The following SMAP2 variants were observed in gnomAD, a reference collection of about 807,000 sequenced individuals.
The protein encoded by SMAP2 is small ArfGAP2.
In SMAP2, 25 loss-of-function variants were observed where a neutral mutation model predicts 56.4. That is an observed-to-expected ratio of 0.44 (90% CI 0.32 to 0.62). The LOEUF (loss-of-function observed/expected upper bound fraction) is 0.62, where lower values mean the gene tolerates loss of function less well. Ranked by LOEUF, SMAP2 falls within the 20% of genes least tolerant of loss-of-function variation. The pLI, the probability that SMAP2 is intolerant of heterozygous loss-of-function variation, is 0.04. For synonymous variants in SMAP2, 157 were observed against 181.7 expected (o/e 0.86, Z 1.09); for missense variants, 388 against 545.6 (o/e 0.71, Z 2.88).
intron 2 of SMAP2, among the ~76,000 whole-genome samples, chr1:40,367,713 G>C: frequency 6.9e-6 from 1 of 145,112 alleles, no homozygotes; most frequent in African/African-American, 2.6e-5. Context: ...AGTGTGTAGA[G>C]GGAAATTTTT....
At chr1:40,398,487 T>C (rs1444013405) in intron 1 of SMAP2, among the ~76,000 whole-genome samples, 4 of 152,242 alleles carry the variant, frequency 2.6e-5, no homozygotes, top group Non-Finnish European at 5.9e-5. Flanking sequence ...GATACTTTTA[T>C]ATGAAATAGA....
chr1:40,416,149 T>C (rs1298530205), intron 7 of SMAP2, 27 bp from the exon 8 acceptor site: 1 of 1,602,780 alleles, frequency 6.2e-7, no homozygotes, highest in Non-Finnish European at 8.5e-7. Flanking sequence ...ACCATTTCAA[T>C]TCTCCCCCCG....
intron 4 of SMAP2, among the ~76,000 whole-genome samples, chr1:40,411,391 G>C (rs1342721572): frequency 1.3e-5 from 2 of 152,196 alleles, no homozygotes; most frequent in South Asian, 4.1e-4. Flanking sequence ...CTCAGATGAG[G>C]TCAGAAAAGG....
intron 1 of SMAP2, among the ~76,000 whole-genome samples, chr1:40,390,793 G>C (rs1644707605): frequency 6.6e-6 from 1 of 152,026 alleles, no homozygotes; most frequent in African/African-American, 2.4e-5. Context: ...ACCTCTCTAG[G>C]CCTTAGTTTC....
chr1:40,375,006 A>G lies in SMAP2; in HGVS notation c.103+783A>G, dbSNP rs1029895089. On this transcript the variant is annotated intron_variant, in intron 1 of 9. Coordinates refer to ENST00000372718, the MANE Select transcript of SMAP2 (RefSeq NM_022733.3). ...TGAATTCATTGCTTCCATGGCGATT[A>G]CACTTCTAAAGGTGAAATATGATCA... is the stretch of plus-strand genomic sequence containing the variant. 1.5e-5 allele frequency: 15 copies of G among 985,316 alleles called. No homozygotes were observed. The African/African-American group carries it at 2.6e-4, about 17-fold the overall frequency. The allele number at this position is 985,316 out of a possible 1,614,324, so 61.0% of individuals were successfully genotyped here. A position where few individuals can be genotyped will look rare whatever the true frequency, so the allele number is the denominator to read the frequency against.
At chr1:40,415,132 C>T (rs2294755) in intron 6 of SMAP2, 140 bp from the exon 7 acceptor site, 218,243 of 643,574 alleles carry the variant, frequency 0.34, 41,421 homozygotes, top group Non-Finnish European at 0.41. Context: ...TTGAGAAGCC[C>T]CGTCCATGCT....
chr1:40,373,941 A>C lies in SMAP2; in HGVS notation c.-180A>C. 1.9e-6 allele frequency: 1 copy of C among 539,882 alleles called. No homozygotes were observed. The highest frequency in any genetic ancestry group is 3.3e-6 in the Non-Finnish European group (1 of 300,630). 33.4% of individuals were successfully genotyped at this position (539,882 alleles called of 1,614,324 possible). On this transcript the variant is annotated 5_prime_UTR_variant, in exon 1 of 10. Transcript: ENST00000372718. ...GGGGCGCCGCGCCGAGGGGCTGCGG[A>C]GTGGGGGACGGACGCCCCCGACCCG...
At chr1:40,399,525 A>G (rs551954338) in intron 1 of SMAP2, among the ~76,000 whole-genome samples, 1 of 148,604 alleles carries the variant, frequency 6.7e-6, no homozygotes, top group East Asian at 2.0e-4. Flanking sequence ...ACACCACTCA[A>G]TGACCCATCT....
chr1:40,417,219 T>C (rs999609460), intron 9 of SMAP2, 123 bp downstream of exon 9: 10 of 703,446 alleles, frequency 1.4e-5, no homozygotes, highest in Non-Finnish European at 2.2e-5. Flanking sequence ...AGAGACATTG[T>C]TAGGTTTGCT....
intron 9 of SMAP2, among the ~76,000 whole-genome samples, chr1:40,417,613 G>A (rs1396557710): frequency 2.0e-5 from 3 of 152,144 alleles, no homozygotes; most frequent in Non-Finnish European, 4.4e-5. Flanking sequence ...ACAGGTCTGA[G>A]ATGTGGTAGA....
Position 40,417,081 on chromosome 1 carries a change from A to G in SMAP2, c.1149A>G (p.Gln383=), listed in dbSNP as rs61748797. The G allele has an allele frequency of 7.7e-3, 12,373 of 1,601,376 alleles. 422 individuals are homozygous for G. In the African/African-American group the frequency reaches 0.1, roughly 13 times the overall value. Residue 383 remains glutamine, a synonymous_variant, in exon 9 of 10, where the codon CAA becomes CAG. Transcript: ENST00000372718. ...GGGTCCAGCCAGCTCAGCAGCTGCA[A>G]TGGAACCTTACTCAGGTAAGCTACC... ...VYGVQPAQQL[Q]WNLTQMTQQM...
At chr1:40,346,515 G>T (rs1358472175) in intron 1 of SMAP2, among the ~76,000 whole-genome samples, 1 of 151,762 alleles carries the variant, frequency 6.6e-6, no homozygotes, top group African/African-American at 2.4e-5. Context: ...GACTACAAGT[G>T]TGCACAACCA....
chr1:40,388,628 C>T (rs532739055), intron 1 of SMAP2, among the ~76,000 whole-genome samples: 11 of 152,248 alleles, frequency 7.2e-5, no homozygotes, highest in African/African-American at 2.4e-4. Context: ...GGATTGTAAA[C>T]GCACCAATCA....
At chr1:40,402,147 T>A (rs1644840796) in intron 1 of SMAP2, among the ~76,000 whole-genome samples, 1 of 152,226 alleles carries the variant, frequency 6.6e-6, no homozygotes. Flanking sequence ...ATCTTTTATA[T>A]TTTTTTCCTT....
In SMAP2 at chr1:40,415,390, T is replaced by G. The variant is rs1644977252; in HGVS notation, c.681+9T>G. The G allele has an allele frequency of 6.5e-7, 1 of 1,534,736 alleles. No individual in the cohort carries two copies. ...CTTCCGGTTCCAGAAAGGTGAGTCT[T>G]GTGGGCTCCTCAGGATTAAAGAACA... On this transcript the variant is annotated intron_variant, in intron 7 of 9. Coordinates refer to ENST00000372718, the MANE Select transcript of SMAP2 (RefSeq NM_022733.3).
At position 40,374,581 on chromosome 1, in the gene SMAP2, G is replaced by C; in HGVS notation, c.103+358G>C. The C allele has an allele frequency of 8.5e-7, 1 of 1,181,938 alleles. No individual in the cohort carries two copies. The highest frequency in any genetic ancestry group is 1.2e-6 in the Non-Finnish European group (1 of 847,600). 73.2% of individuals were successfully genotyped at this position (1,181,938 alleles called of 1,614,324 possible). ...CAAAGCTGGGGATGAACTGCATTGCGTGCGTGCGTGCGTGCGTGTGTGTGT... is the reference window on the plus strand; with the variant it reads ...CAAAGCTGGGGATGAACTGCATTGCCTGCGTGCGTGCGTGCGTGTGTGTGT... On this transcript the variant is annotated intron_variant, in intron 1 of 9. Coordinates refer to ENST00000372718, the MANE Select transcript of SMAP2 (RefSeq NM_022733.3). This position sits in a 1 kb window ranked among gnomAD's most constrained non-coding sequence, Gnocchi z 5.9.
Position 40,422,233 on chromosome 1 carries a change from G to C in SMAP2, c.*132G>C. The C allele has an allele frequency of 7.7e-7, 1 of 1,301,356 alleles. No homozygotes were observed. The highest frequency in any genetic ancestry group is 2.2e-5 in the Admixed American group (1 of 45,340). The allele number at this position is 1,301,356 out of a possible 1,614,324, so 80.6% of individuals were successfully genotyped here. A position where few individuals can be genotyped will look rare whatever the true frequency, so the allele number is the denominator to read the frequency against. On this transcript the variant is annotated 3_prime_UTR_variant, in exon 10 of 10. Coordinates refer to ENST00000372718, the MANE Select transcript of SMAP2 (RefSeq NM_022733.3). ...AGAAATTGCTCAATAAGTCATTTGG[G>C]GTTTGGCATCCTGCCCAGCCACTTC...
At chr1:40,365,457 A>G (rs1373715123) in intron 2 of SMAP2, among the ~76,000 whole-genome samples, 1 of 152,236 alleles carries the variant, frequency 6.6e-6, no homozygotes, top group Non-Finnish European at 1.5e-5. Flanking sequence ...GAAATCCATT[A>G]GATACAGTGC....
At chr1:40,414,308 A>G (rs1644966185) in intron 6 of SMAP2, 68 bp downstream of exon 6, 1 of 1,409,090 alleles carries the variant, frequency 7.1e-7, no homozygotes, top group East Asian at 2.3e-5. Flanking sequence ...ACCCTGGAAG[A>G]TAGGTAGAGA....
Sources: allele counts gnomAD v4.1 joint callset (sites outside exome capture counted in the v4.1 genomes callset), GRCh38; gene constraint gnomAD v4.1.1; non-coding constraint Gnocchi (gnomAD v3.1); transcripts MANE v1.5; gene names NCBI Gene and HGNC (gene_info 2026-07-23, HGNC 2026-07-21).